The following IGF2BP2 variants were observed in gnomAD, a reference collection of about 807,000 sequenced individuals.
The protein encoded by IGF2BP2 is insulin-like growth factor 2 mRNA-binding protein 2.
In IGF2BP2, 17 loss-of-function variants were observed where a neutral mutation model predicts 75.8. The ratio of observed to expected loss-of-function variants is 0.22; its 90% CI spans 0.15 to 0.34. IGF2BP2 has a LOEUF of 0.34. Among genes scored for constraint, IGF2BP2 ranks in the 10% least tolerant of loss-of-function variants. IGF2BP2 has a pLI of 1.00. For synonymous variants in IGF2BP2, 288 were observed against 295.6 expected, an observed-to-expected ratio of 0.97 and a Z score of 0.26; for missense variants, 516 against 772.4, an observed-to-expected ratio of 0.67 and a Z score of 3.93.
chr3:185,660,719 G>T (rs532141339), intron 10 of IGF2BP2, among the ~76,000 whole-genome samples: 1 of 152,354 alleles, frequency 6.6e-6, no homozygotes, highest in South Asian at 2.1e-4. Context: ...CCCCTGGAAA[G>T]AACATCAGCT....
rs562395683 is a variant in IGF2BP2, at chr3:185,779,470, T to C, written c.239+43683A>G. 3.9e-5 allele frequency among the ~76,000 whole-genome samples: 6 copies of C among 152,272 alleles called. No individual in the cohort carries two copies. In the South Asian group the frequency reaches 1.2e-3, roughly 32 times the overall value. ...GGTCCAAATTCTGGCAAAACATAGC[T>C]TCCTAGGAAACATGCTTGTGTCCAT... is the stretch of plus-strand genomic sequence containing the variant. On this transcript the variant is annotated intron_variant, in intron 2 of 15. Transcript: ENST00000382199.
At chr3:185,724,347 G>C (rs1233192535) in intron 2 of IGF2BP2, 1 of 152,230 alleles carries the variant, frequency 6.6e-6, no homozygotes, top group Non-Finnish European at 1.5e-5. Flanking sequence ...AACTAGACAA[G>C]TGGGGAGGTC....
intron 2 of IGF2BP2, among the ~76,000 whole-genome samples, chr3:185,800,844 C>A (rs761105575): frequency 3.9e-5 from 6 of 152,126 alleles, no homozygotes; most frequent in African/African-American, 1.4e-4. Context: ...GCAATCGTAA[C>A]AAAAGCCAAA....
intron 2 of IGF2BP2, chr3:185,820,988 CT>C: frequency 6.5e-7 from 1 of 1,534,372 alleles, no homozygotes. Context: ...AACATAAAAG[CT>C]TTGGTTTCAA....
intron 2 of IGF2BP2, among the ~76,000 whole-genome samples, chr3:185,772,580 T>C (rs1420252569): frequency 2.4e-4 from 35 of 142,954 alleles, no homozygotes; most frequent in Admixed American, 2.8e-4. Context: ...TCTCTCTCTT[T>C]TTTTTTTTTT....
intron 2 of IGF2BP2, chr3:185,718,045 G>A (rs1185124792): frequency 6.6e-6 from 1 of 152,266 alleles, no homozygotes; most frequent in Admixed American, 6.5e-5. Flanking sequence ...CCAGTTACAT[G>A]AACCGGTGTC....
intron 15 of IGF2BP2, among the ~76,000 whole-genome samples, chr3:185,646,400 C>T (rs913615612): frequency 9.2e-5 from 14 of 152,330 alleles, no homozygotes; most frequent in Admixed American, 5.9e-4. Flanking sequence ...TGTCTGCTTA[C>T]ACCAAGTACA....
At chr3:185,667,315 T>C (rs1005708825) in intron 10 of IGF2BP2, among the ~76,000 whole-genome samples, 8 of 151,958 alleles carry the variant, frequency 5.3e-5, no homozygotes, top group Non-Finnish European at 1.0e-4. Context: ...TAAAAATTAG[T>C]GTAAGAAAAC....
At chr3:185,810,100 T>G (rs775913587) in intron 2 of IGF2BP2, among the ~76,000 whole-genome samples, 1 of 152,246 alleles carries the variant, frequency 6.6e-6, no homozygotes, top group Non-Finnish European at 1.5e-5. Flanking sequence ...CTAAGTTTTC[T>G]AAGACATGCG....
chr3:185,776,951 AATTAG>A (rs1311292853), intron 2 of IGF2BP2, among the ~76,000 whole-genome samples: 1 of 152,224 alleles, frequency 6.6e-6, no homozygotes, highest in Non-Finnish European at 1.5e-5. Context: ...GAAAATAGGA[AATTAG>A]ATTAGGAGGT....
chr3:185,661,192 T>C (rs1040170456), intron 10 of IGF2BP2, among the ~76,000 whole-genome samples: 1 of 152,320 alleles, frequency 6.6e-6, no homozygotes, highest in African/African-American at 2.4e-5. Context: ...TAGAAGTTAG[T>C]TTCTGGTGTC....
chr3:185,690,887 A>G (rs1721859362), intron 5 of IGF2BP2, among the ~76,000 whole-genome samples: 1 of 152,224 alleles, frequency 6.6e-6, no homozygotes, highest in Admixed American at 6.5e-5. Context: ...TAGTAGCATT[A>G]ACCCAATTTT....
At chr3:185,742,894 T>C (rs1578165860) in intron 2 of IGF2BP2, among the ~76,000 whole-genome samples, 1 of 151,700 alleles carries the variant, frequency 6.6e-6, no homozygotes, top group African/African-American at 2.4e-5. Context: ...AGGTCAGGAG[T>C]TCGAGACCAG....
intron 2 of IGF2BP2, chr3:185,821,168 A>G: frequency 6.9e-7 from 1 of 1,441,676 alleles, no homozygotes; most frequent in Middle Eastern, 1.8e-4. Flanking sequence ...TTAAACTAAT[A>G]AAGGAAAGGA....
At chr3:185,689,955 G>A (rs1431612495) in intron 5 of IGF2BP2, among the ~76,000 whole-genome samples, 15 of 120,126 alleles carry the variant, frequency 1.2e-4, no homozygotes, top group Non-Finnish European at 2.4e-4. Context: ...GCGACAGAGC[G>A]AGACTCCGTC....
intron 2 of IGF2BP2, among the ~76,000 whole-genome samples, chr3:185,703,365 T>C (rs1723571934): frequency 6.6e-6 from 1 of 152,152 alleles, no homozygotes; most frequent in Admixed American, 6.5e-5. Flanking sequence ...TAGATGTCCA[T>C]TGTTATGAAT....
intron 2 of IGF2BP2, among the ~76,000 whole-genome samples, chr3:185,715,552 C>T (rs191015126): frequency 2.0e-5 from 3 of 152,270 alleles, no homozygotes; most frequent in Admixed American, 1.3e-4. Flanking sequence ...CTGAAATGTG[C>T]GGTGCAAGTG....
At chr3:185,665,290 AAGG>A (rs1183303988) in intron 10 of IGF2BP2, among the ~76,000 whole-genome samples, 5 of 98,434 alleles carry the variant, frequency 5.1e-5, no homozygotes, top group Non-Finnish European at 8.5e-5. Flanking sequence ...GAAGAAGAAG[AAGG>A]AGGAGAAGGA....
chr3:185,757,899 C>CT (rs139418662), intron 2 of IGF2BP2, among the ~76,000 whole-genome samples: 3,532 of 152,304 alleles, frequency 0.023, 67 homozygotes, highest in Middle Eastern at 0.054. Flanking sequence ...ACACACATAC[C>CT]TCTGACCTGC....
Sources: gnomAD v4.1 joint callset for allele counts (sites outside exome capture counted in the v4.1 genomes callset) on GRCh38, gnomAD v4.1.1 for gene constraint, MANE v1.5 for transcripts, NCBI Gene and HGNC (gene_info 2026-07-23, HGNC 2026-07-21) for gene names.